The following HTR2C variants were observed in gnomAD, a reference collection of about 807,000 sequenced individuals.
The protein encoded by HTR2C is 5-hydroxytryptamine (serotonin) receptor 2C, G protein-coupled.
In HTR2C, 5 loss-of-function variants were observed where a neutral mutation model predicts 21.0. The ratio of observed to expected loss-of-function variants is 0.24; its 90% CI spans 0.12 to 0.50. The LOEUF is 0.50. HTR2C is among the 20% of genes least tolerant of loss of function. The pLI, the probability that HTR2C is intolerant of heterozygous loss-of-function variation, is 0.98. For synonymous variants in HTR2C, 150 were observed against 145.3 expected, an observed-to-expected ratio of 1.03 and a Z score of -0.23; for missense variants, 271 against 371.2, an observed-to-expected ratio of 0.73 and a Z score of 2.22.
chrX:114,733,151 T>C (rs2069553037), intron 4 of HTR2C, among the ~76,000 whole-genome samples: 1 of 111,296 alleles, frequency 9.0e-6, no homozygotes, highest in Admixed American at 9.6e-5. Context: ...CTCACGCCTG[T>C]AATCCTAGCA....
At chrX:114,646,177 G>T (rs1930354646) in intron 2 of HTR2C, among the ~76,000 whole-genome samples, 3 of 111,710 alleles carry the variant, frequency 2.7e-5, no homozygotes, top group Admixed American at 9.5e-5. Flanking sequence ...TTGAAATTAG[G>T]TAAAATCATC....
Position 114,907,578 on chromosome X carries a change from G to C in HTR2C, c.*163G>C. On this transcript the variant is annotated 3_prime_UTR_variant, in exon 6 of 6. Coordinates refer to ENST00000276198, the MANE Select transcript of HTR2C (RefSeq NM_000868.4). The stretch of plus-strand genomic sequence containing the variant: ...GTACTTTACAATCATGCCTACATTA[G>C]TGAGATTTAGGGTTCTATATTTACT... 2.4e-6 allele frequency: 1 copy of C among 420,076 alleles called. No homozygotes were observed. The highest frequency in any genetic ancestry group is 4.2e-6 in the Non-Finnish European group (1 of 240,908). 34.6% of individuals were successfully genotyped at this position (420,076 alleles called of 1,213,427 possible). A position where few individuals can be genotyped will look rare whatever the true frequency, so the allele number is the denominator to read the frequency against.
At chrX:114,793,653 C>T (rs1452822476) in intron 4 of HTR2C, among the ~76,000 whole-genome samples, 2 of 110,498 alleles carry the variant, frequency 1.8e-5, no homozygotes, top group African/African-American at 6.6e-5. Flanking sequence ...GTCAGGAGAT[C>T]TGGTATCTAG....
At chrX:114,757,567 T>G (rs1226720314) in intron 4 of HTR2C, among the ~76,000 whole-genome samples, 1 of 111,846 alleles carries the variant, frequency 8.9e-6, no homozygotes, top group East Asian at 2.8e-4. Context: ...CTAGACACTC[T>G]GTGCCTATGA....
intron 2 of HTR2C, among the ~76,000 whole-genome samples, chrX:114,682,108 A>G (rs782514105): frequency 2.2e-4 from 24 of 111,542 alleles, no homozygotes; most frequent in Non-Finnish European, 4.0e-4. Context: ...TATACATGCC[A>G]TTAAGATATA....
intron 2 of HTR2C, among the ~76,000 whole-genome samples, chrX:114,616,459 G>A (rs1313029478): frequency 9.1e-6 from 1 of 109,697 alleles, no homozygotes; most frequent in Non-Finnish European, 1.9e-5. Context: ...CCTAATTTTT[G>A]TATTTTTAGT....
intron 2 of HTR2C, among the ~76,000 whole-genome samples, chrX:114,723,483 T>A (rs2147335183): frequency 9.0e-6 from 1 of 111,263 alleles, no homozygotes; most frequent in South Asian, 3.8e-4. Context: ...GATTCAATAA[T>A]TTTTTGAAGG....
chrX:114,593,112 T>C (rs1927698107), intron 1 of HTR2C, among the ~76,000 whole-genome samples: 1 of 112,263 alleles, frequency 8.9e-6, no homozygotes, highest in African/African-American at 3.2e-5. Flanking sequence ...TATAATTTTG[T>C]GTGTGCAGTG....
intron 4 of HTR2C, among the ~76,000 whole-genome samples, chrX:114,838,650 A>G (rs1035433851): frequency 7.1e-5 from 8 of 111,912 alleles, no homozygotes; most frequent in Non-Finnish European, 1.3e-4. Flanking sequence ...ATGAAGCACT[A>G]TACACAATTT....
chrX:114,811,336 C>G (rs1442021046), intron 4 of HTR2C, among the ~76,000 whole-genome samples: 1 of 109,953 alleles, frequency 9.1e-6, no homozygotes, highest in East Asian at 2.8e-4. Flanking sequence ...CCACCCAATA[C>G]GTTTTTTTGG....
At chrX:114,830,845 C>A (rs1360740927) in intron 4 of HTR2C, among the ~76,000 whole-genome samples, 16 of 18,848 alleles carry the variant, frequency 8.5e-4, no homozygotes, top group African/African-American at 1.6e-3. Context: ...ATCCCTCCCC[C>A]CTCCCCCCCA....
intron 4 of HTR2C, among the ~76,000 whole-genome samples, chrX:114,828,044 A>T (rs1298406648): frequency 9.1e-6 from 1 of 110,066 alleles, no homozygotes; most frequent in African/African-American, 3.3e-5. Context: ...TTCTTCATCA[A>T]TTTTTCTCCT....
intron 4 of HTR2C, among the ~76,000 whole-genome samples, chrX:114,790,796 A>C (rs2070223414): frequency 9.1e-6 from 1 of 109,812 alleles, no homozygotes; most frequent in South Asian, 3.6e-4. Context: ...ATGAAGATTT[A>C]ATCACAAAAA....
intron 5 of HTR2C, among the ~76,000 whole-genome samples, chrX:114,850,855 G>A (rs895745608): frequency 7.2e-5 from 8 of 110,435 alleles, no homozygotes; most frequent in African/African-American, 2.6e-4. Flanking sequence ...TGTTACAAGA[G>A]GCATATATAA....
intron 2 of HTR2C, among the ~76,000 whole-genome samples, chrX:114,708,242 A>T (rs1932831939): frequency 9.0e-6 from 1 of 111,713 alleles, no homozygotes; most frequent in South Asian, 3.7e-4. Flanking sequence ...TAGATTTTTA[A>T]GAGCAATTTC....
chrX:114,595,045 T>C (rs1233428323), intron 1 of HTR2C, among the ~76,000 whole-genome samples: 2 of 111,840 alleles, frequency 1.8e-5, no homozygotes, highest in Non-Finnish European at 3.8e-5. Flanking sequence ...TTTTCTCATA[T>C]ATCCCTTCAT....
chrX:114,841,748 A>T (rs1428716598), intron 4 of HTR2C, among the ~76,000 whole-genome samples: 1 of 111,311 alleles, frequency 9.0e-6, no homozygotes, highest in African/African-American at 3.3e-5. Context: ...CTCAAAAAAA[A>T]AAAAAAATTT....
intron 2 of HTR2C, among the ~76,000 whole-genome samples, chrX:114,637,883 C>T (rs191028377): frequency 1.8e-5 from 2 of 111,225 alleles, no homozygotes; most frequent in African/African-American, 3.3e-5. Flanking sequence ...AAGCAAAATT[C>T]GCTAAGGGAG....
intron 2 of HTR2C, among the ~76,000 whole-genome samples, chrX:114,691,268 A>G (rs1272627713): frequency 9.0e-6 from 1 of 111,348 alleles, no homozygotes; most frequent in Non-Finnish European, 1.9e-5. Flanking sequence ...GGGCATATAC[A>G]GGACTAGGGT....
Sources: gnomAD v4.1 joint callset for allele counts (sites outside exome capture counted in the v4.1 genomes callset) on GRCh38, gnomAD v4.1.1 for gene constraint, MANE v1.5 for transcripts, NCBI Gene and HGNC (gene_info 2026-07-23, HGNC 2026-07-21) for gene names.